The following ROBO2 variants were observed in gnomAD, a reference collection of about 807,000 sequenced individuals.
ROBO2 encodes the protein roundabout guidance receptor 2, also known as roundabout homolog 2.
ROBO2 carries 53 observed loss-of-function variants against 160.8 expected under a neutral mutation model. The ratio of observed to expected loss-of-function variants is 0.33; its 90% CI spans 0.26 to 0.41. ROBO2 has a LOEUF of 0.41. Ranked by LOEUF, ROBO2 falls within the 10% of genes least tolerant of loss-of-function variation. The probability of loss-of-function intolerance (pLI) is 1.00; values close to 1 mark genes in which losing one functional copy is unlikely to be tolerated. For missense variants in ROBO2, 1,577 were observed against 1,722.4 expected, an observed-to-expected ratio of 0.92 and a Z score of 1.49; for synonymous variants, 664 against 611.7, an observed-to-expected ratio of 1.09 and a Z score of -1.26.
intron 2 of ROBO2, among the ~76,000 whole-genome samples, chr3:76,926,605 C>T (rs570533719): frequency 2.6e-4 from 39 of 152,212 alleles, no homozygotes; most frequent in Admixed American, 1.7e-3. Flanking sequence ...ATTTGACAAA[C>T]TTACCAGATT....
intron 2 of ROBO2, among the ~76,000 whole-genome samples, chr3:76,177,041 A>G (rs1216304932): frequency 1.3e-5 from 2 of 152,160 alleles, no homozygotes; most frequent in African/African-American, 4.8e-5. Flanking sequence ...CTTTTCAGAA[A>G]ACAATAAAAA....
chr3:76,249,880 TTACA>T (rs1391179573), intron 2 of ROBO2, among the ~76,000 whole-genome samples: 20 of 152,240 alleles, frequency 1.3e-4, no homozygotes, highest in Admixed American at 1.3e-3. Flanking sequence ...GAATCTGTCT[TTACA>T]TACATTGGAA....
chr3:77,133,390 T>C (rs947927416), intron 2 of ROBO2, among the ~76,000 whole-genome samples: 1 of 152,202 alleles, frequency 6.6e-6, no homozygotes, highest in African/African-American at 2.4e-5. Context: ...TTTGTTAAAA[T>C]CACTGTGCTA....
intron 2 of ROBO2, among the ~76,000 whole-genome samples, chr3:76,230,857 G>A (rs1016894895): frequency 8.6e-5 from 13 of 152,036 alleles, no homozygotes; most frequent in South Asian, 2.1e-4. Flanking sequence ...CCCTAATTCC[G>A]GACTGGTGCC....
intron 1 of ROBO2, among the ~76,000 whole-genome samples, chr3:77,059,671 A>G (rs754950662): frequency 8.6e-5 from 13 of 151,902 alleles, no homozygotes; most frequent in Admixed American, 1.3e-4. Flanking sequence ...CCCAATTACA[A>G]TTTTTTTTAA....
At chr3:76,024,371 ATTT>A (rs36023414) in intron 2 of ROBO2, among the ~76,000 whole-genome samples, 1 of 149,498 alleles carries the variant, frequency 6.7e-6, no homozygotes, top group Non-Finnish European at 1.5e-5. Flanking sequence ...TTTAGAACTT[ATTT>A]TTTTTTTTTA....
intron 2 of ROBO2, among the ~76,000 whole-genome samples, chr3:76,794,102 A>G (rs1474988931): frequency 6.6e-6 from 1 of 151,960 alleles, no homozygotes; most frequent in Non-Finnish European, 1.5e-5. Context: ...AAACAGCGAA[A>G]AGTTTCAAAT....
At chr3:77,617,463 T>C in intron 21 of ROBO2, 50 bp from the exon 23 acceptor site, 1 of 1,603,516 alleles carries the variant, frequency 6.2e-7, no homozygotes, top group Non-Finnish European at 8.5e-7. Context: ...TGTGCATGTA[T>C]GTGTATATGT....
intron 2 of ROBO2, among the ~76,000 whole-genome samples, chr3:76,630,762 GT>G (rs1484712616): frequency 6.6e-6 from 1 of 152,068 alleles, no homozygotes; most frequent in African/African-American, 2.4e-5. Flanking sequence ...AAAAATAAAT[GT>G]TTTTTTAAAA....
chr3:77,351,450 G>A (rs1284430839), intron 2 of ROBO2, among the ~76,000 whole-genome samples: 1 of 152,166 alleles, frequency 6.6e-6, no homozygotes, highest in Admixed American at 6.5e-5. Context: ...GATGGCAGGT[G>A]AAGATATTGA....
At chr3:77,626,473 G>A (rs951641999) in intron 23 of ROBO2, among the ~76,000 whole-genome samples, 15 of 152,238 alleles carry the variant, frequency 9.9e-5, no homozygotes, top group East Asian at 5.8e-4. Context: ...GCAGCTCATT[G>A]CACTCTGTTT....
intron 2 of ROBO2, among the ~76,000 whole-genome samples, chr3:76,111,673 T>C (rs904653446): frequency 3.3e-5 from 5 of 152,106 alleles, no homozygotes; most frequent in Non-Finnish European, 5.9e-5. Flanking sequence ...ATTCAAAATA[T>C]AGCTGTCCTG....
chr3:76,983,099 C>T (rs1455306383), intron 2 of ROBO2, among the ~76,000 whole-genome samples: 1 of 151,964 alleles, frequency 6.6e-6, no homozygotes, highest in Non-Finnish European at 1.5e-5. Flanking sequence ...GCCTGGCCAA[C>T]ATGGTGAAAC....
intron 2 of ROBO2, among the ~76,000 whole-genome samples, chr3:76,016,733 T>G (rs2066416357): frequency 6.6e-6 from 1 of 152,092 alleles, no homozygotes; most frequent in African/African-American, 2.4e-5. Context: ...AATGCCAAGA[T>G]ATTGGTGGGG....
At chr3:76,223,921 T>C (rs1323293304) in intron 2 of ROBO2, among the ~76,000 whole-genome samples, 2 of 152,218 alleles carry the variant, frequency 1.3e-5, no homozygotes, top group Non-Finnish European at 2.9e-5. Flanking sequence ...CTTTACTTCT[T>C]ATAAGTAGTG....
intron 2 of ROBO2, among the ~76,000 whole-genome samples, chr3:76,294,564 C>CTTTTGTA (rs1193375670): frequency 3.9e-5 from 6 of 152,240 alleles, no homozygotes; most frequent in African/African-American, 1.4e-4. Flanking sequence ...TTGTGCTTTT[C>CTTTTGTA]TTTTGTATCC....
chr3:76,452,454 T>C (rs6788424), intron 2 of ROBO2, among the ~76,000 whole-genome samples: 247 of 152,270 alleles, frequency 1.6e-3, no homozygotes, highest in African/African-American at 5.7e-3. Flanking sequence ...AATAGTTTAC[T>C]GAGAATGATG....
At chr3:76,500,706 G>A (rs187151958) in intron 2 of ROBO2, among the ~76,000 whole-genome samples, 11 of 152,278 alleles carry the variant, frequency 7.2e-5, no homozygotes, top group Middle Eastern at 3.4e-3. Flanking sequence ...TGAGATAAAA[G>A]TTAATTTTTA....
chr3:77,509,737 T>G (rs1017108452), intron 5 of ROBO2, among the ~76,000 whole-genome samples: 3 of 152,034 alleles, frequency 2.0e-5, no homozygotes, highest in Non-Finnish European at 4.4e-5. Flanking sequence ...ACTATAACCT[T>G]CCCCTTCCTG....
Sources: allele counts gnomAD v4.1 joint callset (sites outside exome capture counted in the v4.1 genomes callset), GRCh38; gene constraint gnomAD v4.1.1; transcripts MANE v1.5; gene names NCBI Gene and HGNC (gene_info 2026-07-23, HGNC 2026-07-21).